The following ATXN7L1 variants were observed in gnomAD, a reference collection of about 807,000 sequenced individuals.
ATXN7L1 encodes ataxin-7-like protein 1.
Under a neutral mutation model 70.8 loss-of-function variants are expected in ATXN7L1, and 15 were observed. The ratio of observed to expected loss-of-function variants is 0.21; its 90% CI spans 0.14 to 0.33. The LOEUF (loss-of-function observed/expected upper bound fraction) is 0.33. Among genes scored for constraint, ATXN7L1 ranks in the 10% least tolerant of loss-of-function variants. The pLI is 1.00. For missense variants in ATXN7L1, 975 were observed against 1,097.1 expected (o/e 0.89, Z 1.57); for synonymous variants, 440 against 445.1 (o/e 0.99, Z 0.14).
At chr7:105,777,801 G>T (rs1438720357) in intron 3 of ATXN7L1, among the ~76,000 whole-genome samples, 1 of 152,142 alleles carries the variant, frequency 6.6e-6, no homozygotes, top group Non-Finnish European at 1.5e-5. Context: ...CAGTGTCTTA[G>T]CACCACACGT....
chr7:105,732,047 T>C (rs1191432191), intron 3 of ATXN7L1, among the ~76,000 whole-genome samples: 1 of 151,894 alleles, frequency 6.6e-6, no homozygotes, highest in African/African-American at 2.4e-5. Flanking sequence ...GAACTGAGAT[T>C]GTGACACTGT....
intron 4 of ATXN7L1, among the ~76,000 whole-genome samples, chr7:105,643,327 G>A (rs1024505205): frequency 2.6e-5 from 4 of 152,170 alleles, no homozygotes; most frequent in African/African-American, 9.7e-5. Flanking sequence ...CTGGCACAGT[G>A]TCAGGGGTGG....
At chr7:105,707,748 G>C (rs513909) in intron 3 of ATXN7L1, among the ~76,000 whole-genome samples, 47,246 of 152,078 alleles carry the variant, frequency 0.31, 9,647 homozygotes, top group African/African-American at 0.58. Context: ...TATCCCAAAG[G>C]GGGAGAGGCT....
intron 3 of ATXN7L1, among the ~76,000 whole-genome samples, chr7:105,725,340 G>A (rs371953764): frequency 5.3e-5 from 8 of 152,158 alleles, no homozygotes; most frequent in South Asian, 2.1e-4. Context: ...TCCCCATGCC[G>A]GAGCCAGTTG....
intron 2 of ATXN7L1, among the ~76,000 whole-genome samples, chr7:105,855,659 A>G (rs893695851): frequency 1.3e-5 from 2 of 152,232 alleles, no homozygotes; most frequent in Non-Finnish European, 2.9e-5. Flanking sequence ...AAGAATAGTC[A>G]ACCCTCTGAA....
chr7:105,629,583 T>A (rs559702210), intron 7 of ATXN7L1, among the ~76,000 whole-genome samples: 2 of 151,692 alleles, frequency 1.3e-5, no homozygotes, highest in African/African-American at 4.8e-5. Context: ...TGGCGTGATC[T>A]TGGCTCAGTG....
intron 3 of ATXN7L1, among the ~76,000 whole-genome samples, chr7:105,776,224 C>T (rs187915371): frequency 1.4e-4 from 22 of 152,298 alleles, no homozygotes; most frequent in Middle Eastern, 3.4e-3. Context: ...CCAGGGGTCA[C>T]GTTACAGCGA....
intron 3 of ATXN7L1, among the ~76,000 whole-genome samples, chr7:105,684,693 G>T (rs906772976): frequency 2.0e-5 from 3 of 152,158 alleles, no homozygotes; most frequent in Non-Finnish European, 4.4e-5. Context: ...TCTACCACCT[G>T]AAAACTCGAT....
chr7:105,712,587 G>A (rs896445652), intron 3 of ATXN7L1, among the ~76,000 whole-genome samples: 1 of 152,170 alleles, frequency 6.6e-6, no homozygotes, highest in African/African-American at 2.4e-5. Flanking sequence ...CAAGTTCAAA[G>A]TTCCACAGAT....
At chr7:105,663,107 T>G (rs1208118629) in intron 4 of ATXN7L1, among the ~76,000 whole-genome samples, 1 of 152,166 alleles carries the variant, frequency 6.6e-6, no homozygotes, top group Non-Finnish European at 1.5e-5. Context: ...GCAGCCCCAG[T>G]AAATAAACTC....
rs542207997 is a variant in ATXN7L1 at position 105,667,624 on chromosome 7, G to A, written c.356-2336C>T. Among the ~76,000 whole-genome samples the A allele has an allele frequency of 1.8e-4, 18 of 101,346 alleles. 5 individuals are homozygous for A. The highest frequency in any genetic ancestry group is 1.3e-3 in the Admixed American group (12 of 9,104). 66.5% of individuals were successfully genotyped at this position (101,346 alleles called of 152,430 possible). ...TGAGGCGGGAGAATGGCGTGAACCC[G>A]GGAGGCGGAGCTTGCGGTGAGCCGA... is the stretch of plus-strand genomic sequence containing the variant. On this transcript the variant is annotated intron_variant, in intron 3 of 11. Coordinates refer to ENST00000419735, the MANE Select transcript of ATXN7L1 (RefSeq NM_020725.2).
intron 3 of ATXN7L1, among the ~76,000 whole-genome samples, chr7:105,704,697 G>A (rs1792924988): frequency 7.3e-6 from 1 of 137,886 alleles, no homozygotes; most frequent in African/African-American, 2.7e-5. Context: ...GCAACCTCCC[G>A]CCTCCTGGGT....
intron 3 of ATXN7L1, among the ~76,000 whole-genome samples, chr7:105,775,846 A>G (rs779685556): frequency 1.3e-5 from 2 of 152,196 alleles, no homozygotes; most frequent in African/African-American, 2.4e-5. Context: ...TGTGACTCCA[A>G]TGTGAAATAG....
At chr7:105,828,560 G>A (rs1811181349) in intron 2 of ATXN7L1, among the ~76,000 whole-genome samples, 1 of 152,104 alleles carries the variant, frequency 6.6e-6, no homozygotes, top group Non-Finnish European at 1.5e-5. Context: ...GAACTGAGGA[G>A]GCAACAAAGA....
intron 11 of ATXN7L1, among the ~76,000 whole-genome samples, chr7:105,609,316 C>T (rs563696124): frequency 4.4e-4 from 66 of 151,594 alleles, no homozygotes; most frequent in African/African-American, 1.4e-3. Flanking sequence ...ATTACAGGTG[C>T]GCACCACCAT....
chr7:105,720,594 A>G (rs183865705), intron 3 of ATXN7L1, among the ~76,000 whole-genome samples: 1 of 152,018 alleles, frequency 6.6e-6, no homozygotes, highest in Non-Finnish European at 1.5e-5. Flanking sequence ...AATTTTTAAA[A>G]AAATTATTGT....
At chr7:105,702,737 T>C (rs943334633) in intron 3 of ATXN7L1, among the ~76,000 whole-genome samples, 3 of 151,932 alleles carry the variant, frequency 2.0e-5, no homozygotes, top group Non-Finnish European at 2.9e-5. Flanking sequence ...CCCAGCACGT[T>C]GGGAGACCAA....
intron 2 of ATXN7L1, among the ~76,000 whole-genome samples, chr7:105,810,562 T>C (rs1371996483): frequency 6.6e-6 from 1 of 151,546 alleles, no homozygotes; most frequent in Non-Finnish European, 1.5e-5. Context: ...GGTGAGAAGG[T>C]AGATTGTGAG....
At chr7:105,788,043 A>G (rs966868486) in intron 3 of ATXN7L1, 3 of 153,556 alleles carry the variant, frequency 2.0e-5, no homozygotes, top group African/African-American at 7.2e-5. Context: ...AATTTATTAC[A>G]TCAAGGATGT....
Sources: allele counts gnomAD v4.1 joint callset (sites outside exome capture counted in the v4.1 genomes callset), GRCh38; gene constraint gnomAD v4.1.1; transcripts MANE v1.5; gene names NCBI Gene and HGNC (gene_info 2026-07-23, HGNC 2026-07-21).